Variants in IMMP2L observed in about 807,000 individuals in gnomAD.
The protein encoded by IMMP2L is inner mitochondrial membrane peptidase subunit 2, also known as mitochondrial inner membrane protease subunit 2.
Under a neutral mutation model 19.3 loss-of-function variants are expected in IMMP2L, and 18 were observed. The ratio of observed to expected loss-of-function variants is 0.93; its 90% CI spans 0.64 to 1.38. The LOEUF (loss-of-function observed/expected upper bound fraction) is 1.38. Among genes scored for constraint, IMMP2L ranks in the 40% most tolerant of loss-of-function variants. The pLI is 0.00. For synonymous variants in IMMP2L, 76 were observed against 73.0 expected (o/e 1.04, Z -0.21); for missense variants, 233 against 218.2 (o/e 1.07, Z -0.43).
chr7:110,780,504 T>C (rs1190632452), intron 5 of IMMP2L, among the ~76,000 whole-genome samples: 1 of 151,718 alleles, frequency 6.6e-6, no homozygotes, highest in East Asian at 1.9e-4. Flanking sequence ...TCAAACTCTA[T>C]TGATTCTATT....
intron 3 of IMMP2L, among the ~76,000 whole-genome samples, chr7:111,354,796 A>G (rs897184724): frequency 1.3e-5 from 2 of 151,870 alleles, no homozygotes; most frequent in African/African-American, 2.4e-5. Context: ...TGGAAAACCT[A>G]GAAATAAACC....
rs144954020 is a variant in IMMP2L, at chr7:111,526,308, TATTTA to T, written c.-2-4864_-2-4860del. 8.9e-3 allele frequency among the ~76,000 whole-genome samples: 1,362 copies of T among 152,290 alleles called. 25 individuals carry two copies. Among genetic ancestry groups the T allele is most frequent in the African/African-American group, 0.031 (1,304 of 41,568 alleles). ...GCACATAAAAGTATTTAAAATTGAA[TATTTA>T]TATTGTTTTAATTGTTTAATAACCA... On this transcript the variant is annotated intron_variant, in intron 1 of 5. Transcript: ENST00000405709.
intron 3 of IMMP2L, among the ~76,000 whole-genome samples, chr7:110,996,383 G>A (rs994109444): frequency 6.6e-6 from 1 of 152,066 alleles, no homozygotes; most frequent in Non-Finnish European, 1.5e-5. Context: ...ACGAGAGGGG[G>A]GTTGGCATAA....
chr7:111,126,432 G>T (rs182026135), intron 3 of IMMP2L, among the ~76,000 whole-genome samples: 1 of 152,072 alleles, frequency 6.6e-6, no homozygotes, highest in Admixed American at 6.5e-5. Flanking sequence ...TACTTTCAGA[G>T]TTTGACACAA....
chr7:110,717,954 GGGAAGGAAGCCAAA>G (rs1795331651), intron 5 of IMMP2L, among the ~76,000 whole-genome samples: 1 of 152,158 alleles, frequency 6.6e-6, no homozygotes, highest in African/African-American at 2.4e-5. Flanking sequence ...TTTATATGTA[GGGAAGGAAGCCAAA>G]GGAAGGAAGA....
intron 5 of IMMP2L, among the ~76,000 whole-genome samples, chr7:110,778,719 A>G (rs1385432489): frequency 6.6e-6 from 1 of 152,016 alleles, no homozygotes; most frequent in Non-Finnish European, 1.5e-5. Flanking sequence ...ATAGAAACAC[A>G]GGTGCTTTAA....
intron 3 of IMMP2L, among the ~76,000 whole-genome samples, chr7:111,182,148 C>T (rs1213372707): frequency 6.6e-6 from 1 of 151,874 alleles, no homozygotes; most frequent in Non-Finnish European, 1.5e-5. Flanking sequence ...TTCCTAGTGC[C>T]ATTCTTAGTA....
At chr7:110,743,300 G>A (rs911509936) in intron 5 of IMMP2L, among the ~76,000 whole-genome samples, 1 of 152,072 alleles carries the variant, frequency 6.6e-6, no homozygotes, top group Non-Finnish European at 1.5e-5. Context: ...ATTTTAGATA[G>A]TAATTATTCA....
intron 3 of IMMP2L, among the ~76,000 whole-genome samples, chr7:111,353,074 G>C (rs563992314): frequency 5.3e-5 from 8 of 152,200 alleles, no homozygotes; most frequent in Non-Finnish European, 1.2e-4. Flanking sequence ...ATTCAATATG[G>C]GACACACCCA....
At chr7:110,887,754 T>TC (rs1297380593) in intron 4 of IMMP2L, among the ~76,000 whole-genome samples, 1 of 146,432 alleles carries the variant, frequency 6.8e-6, no homozygotes, top group Non-Finnish European at 1.5e-5. Context: ...TTTTTTTTTC[T>TC]CTCTTTTATC....
chr7:111,384,949 C>T (rs1235612246), intron 3 of IMMP2L, among the ~76,000 whole-genome samples: 1 of 152,012 alleles, frequency 6.6e-6, no homozygotes, highest in Non-Finnish European at 1.5e-5. Flanking sequence ...CTAACACTTC[C>T]ATTTTATAGT....
Position 110,693,734 on chromosome 7 carries a change from C to T in IMMP2L, c.409-30013G>A, listed in dbSNP as rs1393851409. 3.9e-5 allele frequency among the ~76,000 whole-genome samples: 6 copies of T among 152,246 alleles called. No homozygotes were observed. The South Asian group carries it at 6.2e-4, about 16-fold the overall frequency. ...AGATGTGTTCTGAGTACAGGGCAAA[C>T]CAAACCAGTGTCATGAGTTTGATGT... is the stretch of plus-strand genomic sequence containing the variant. On this transcript the variant is annotated intron_variant, in intron 5 of 5. Transcript: ENST00000405709.
chr7:110,840,977 T>C (rs1805022742), intron 5 of IMMP2L, among the ~76,000 whole-genome samples: 3 of 152,040 alleles, frequency 2.0e-5, no homozygotes, highest in Admixed American at 2.0e-4. Context: ...AGCTGGATTC[T>C]AATAGTGAGA....
At chr7:110,991,455 A>C (rs1202970369) in intron 3 of IMMP2L, among the ~76,000 whole-genome samples, 1 of 152,174 alleles carries the variant, frequency 6.6e-6, no homozygotes, top group Non-Finnish European at 1.5e-5. Flanking sequence ...TAATAGGAGC[A>C]AAACGCCATC....
At chr7:111,080,037 C>T (rs1403995342) in intron 3 of IMMP2L, among the ~76,000 whole-genome samples, 4 of 151,770 alleles carry the variant, frequency 2.6e-5, no homozygotes, top group Middle Eastern at 3.4e-3. Flanking sequence ...AATGTCATTT[C>T]TTTATAAATT....
At chr7:111,445,927 A>G (rs1838333390) in intron 3 of IMMP2L, among the ~76,000 whole-genome samples, 2 of 152,124 alleles carry the variant, frequency 1.3e-5, no homozygotes, top group Admixed American at 6.5e-5. Context: ...TCCCTTTCCT[A>G]GTCAAAGAAA....
intron 3 of IMMP2L, among the ~76,000 whole-genome samples, chr7:111,220,261 T>C (rs966412779): frequency 1.3e-5 from 2 of 152,012 alleles, no homozygotes; most frequent in African/African-American, 4.8e-5. Flanking sequence ...TTACATGTAT[T>C]ATAAAGTAAA....
chr7:111,270,943 C>T (rs940598156), intron 3 of IMMP2L, among the ~76,000 whole-genome samples: 5 of 152,110 alleles, frequency 3.3e-5, no homozygotes, highest in African/African-American at 2.4e-5. Flanking sequence ...ACATAACTCC[C>T]GCTAAGACTA....
chr7:111,051,011 C>T (rs541835218), intron 3 of IMMP2L, among the ~76,000 whole-genome samples: 2 of 152,088 alleles, frequency 1.3e-5, no homozygotes, highest in Non-Finnish European at 2.9e-5. Context: ...AGAAAATATT[C>T]AGCATCCTAC....
Sources: allele counts gnomAD v4.1 joint callset (sites outside exome capture counted in the v4.1 genomes callset), GRCh38; gene constraint gnomAD v4.1.1; transcripts MANE v1.5; gene names NCBI Gene and HGNC (gene_info 2026-07-23, HGNC 2026-07-21).